Variants in ADGRL2 observed in about 807,000 individuals in gnomAD.
The protein encoded by ADGRL2 is adhesion G protein-coupled receptor L2.
A neutral mutation model predicts 157.4 loss-of-function variants in ADGRL2; 44 were observed. The observed-to-expected ratio is 0.28, with a 90% CI of 0.22 to 0.36. The LOEUF (loss-of-function observed/expected upper bound fraction) is 0.36, where lower values mean the gene tolerates loss of function less well. Among genes scored for constraint, ADGRL2 ranks in the 10% least tolerant of loss-of-function variants. The pLI is 1.00. For synonymous variants in ADGRL2, 585 were observed against 624.7 expected, an observed-to-expected ratio of 0.94 and a Z score of 0.95; for missense variants, 1,510 against 1,768.9, an observed-to-expected ratio of 0.85 and a Z score of 2.63.
At chr1:81,505,807 T>TA (rs544273636) in intron 2 of ADGRL2, among the ~76,000 whole-genome samples, 52 of 151,250 alleles carry the variant, frequency 3.4e-4, no homozygotes, top group Admixed American at 1.1e-3. Flanking sequence ...GAGTTTTTAT[T>TA]AAAAAAAAGC....
At chr1:81,924,101 G>A (rs959464756) in intron 3 of ADGRL2, among the ~76,000 whole-genome samples, 5 of 152,268 alleles carry the variant, frequency 3.3e-5, no homozygotes, top group African/African-American at 7.2e-5. Context: ...AGCATCATTT[G>A]TATTGGCTTT....
At chr1:81,544,603 C>T (rs747747606) in intron 2 of ADGRL2, among the ~76,000 whole-genome samples, 5 of 152,146 alleles carry the variant, frequency 3.3e-5, no homozygotes, top group African/African-American at 4.8e-5. Flanking sequence ...TGCCAAGTTG[C>T]CTAGTCCTGC....
At chr1:81,853,962 G>T (rs1174934692) in intron 2 of ADGRL2, among the ~76,000 whole-genome samples, 1 of 152,066 alleles carries the variant, frequency 6.6e-6, no homozygotes, top group East Asian at 1.9e-4. Context: ...TTGGATCACA[G>T]AATTATCCTT....
chr1:81,819,542 A>G (rs1387050324), intron 1 of ADGRL2, among the ~76,000 whole-genome samples: 2 of 152,084 alleles, frequency 1.3e-5, no homozygotes, highest in East Asian at 1.9e-4. Flanking sequence ...GTATACCTGC[A>G]TATGTTTTTA....
intron 3 of ADGRL2, among the ~76,000 whole-genome samples, chr1:81,653,811 G>A (rs2082473471): frequency 6.6e-6 from 1 of 152,124 alleles, no homozygotes; most frequent in Non-Finnish European, 1.5e-5. Context: ...GTAGAGCTCA[G>A]ATCCTGAAAA....
chr1:81,324,608 T>C (rs1268106072), intron 1 of ADGRL2, among the ~76,000 whole-genome samples: 1 of 151,214 alleles, frequency 6.6e-6, no homozygotes. Flanking sequence ...ACACACACAC[T>C]TTGGAAGTAG....
chr1:81,395,892 T>A (rs2076646954), intron 1 of ADGRL2, among the ~76,000 whole-genome samples: 1 of 152,242 alleles, frequency 6.6e-6, no homozygotes, highest in Non-Finnish European at 1.5e-5. Flanking sequence ...GCTTGTTCTA[T>A]TCGTCTGTGT....
intron 1 of ADGRL2, among the ~76,000 whole-genome samples, chr1:81,831,498 G>A (rs1290810592): frequency 1.3e-5 from 2 of 151,976 alleles, no homozygotes; most frequent in African/African-American, 4.8e-5. Context: ...GTAAAATAAG[G>A]TTATCTGGTC....
At chr1:81,502,771 C>T in intron 2 of ADGRL2, 2 of 1,613,304 alleles carry the variant, frequency 1.2e-6, no homozygotes, top group Non-Finnish European at 1.7e-6. Flanking sequence ...GAGCCGGCGG[C>T]CCAGCTACAG....
chr1:81,892,090 A>G (rs1468338668), intron 2 of ADGRL2, among the ~76,000 whole-genome samples: 1 of 151,898 alleles, frequency 6.6e-6, no homozygotes, highest in Non-Finnish European at 1.5e-5. Flanking sequence ...TTATCCATCA[A>G]TCTTTGTACC....
chr1:81,990,468 T>TA lies in ADGRL2; in HGVS notation c.3733_3734insA (p.Ser1245TyrfsTer6). ...AAATGGTAATTTTAACAACAGCTACTCGCTGCACAAGGGTGACTATAATGA... is the reference window on the plus strand; with the variant it reads ...AAATGGTAATTTTAACAACAGCTACTACGCTGCACAAGGGTGACTATAATGA... On this transcript the variant is annotated frameshift_variant, in exon 24 of 24. Coordinates refer to ENST00000686636, the MANE Select transcript of ADGRL2 (RefSeq NM_001366006.2). LOFTEE classifies it high-confidence loss of function. 1 of 1,614,092 alleles carries TA rather than the reference T, an allele frequency of 6.2e-7. No individual in the cohort carries two copies. Among genetic ancestry groups the TA allele is most frequent in the Non-Finnish European group, 8.5e-7 (1 of 1,179,962 alleles).
intron 3 of ADGRL2, among the ~76,000 whole-genome samples, chr1:81,616,745 C>T (rs941438219): frequency 2.4e-4 from 34 of 143,210 alleles, no homozygotes; most frequent in African/African-American, 8.4e-4. Flanking sequence ...GGCACAATCT[C>T]GGCTCACTGT....
intron 2 of ADGRL2, among the ~76,000 whole-genome samples, chr1:81,895,163 G>C (rs1286248951): frequency 6.6e-6 from 1 of 152,050 alleles, no homozygotes; most frequent in African/African-American, 2.4e-5. Context: ...ATGAGTGGGT[G>C]GTTTCAGTGC....
rs866897578 is a variant in ADGRL2 at position 81,660,817 on chromosome 1, C to T, written c.-143+79837C>T. ...TTTGATCAAAAATATGTTTTGAGTA[C>T]CTACTTTAGGTCAAACACTGTGCAA... On this transcript the variant is annotated intron_variant, in intron 3 of 24. Transcript: ENST00000370721. Among the ~76,000 whole-genome samples the T allele has an allele frequency of 4.6e-5, 7 of 152,160 alleles. No individual in the cohort carries two copies. The South Asian group carries it at 1.5e-3, about 32-fold the overall frequency.
chr1:81,510,778 A>C (rs554283711), intron 2 of ADGRL2, among the ~76,000 whole-genome samples: 2 of 152,334 alleles, frequency 1.3e-5, no homozygotes, highest in South Asian at 4.1e-4. Flanking sequence ...AGTACACATG[A>C]ACAGTTTGAA....
intron 2 of ADGRL2, among the ~76,000 whole-genome samples, chr1:81,893,319 T>TTTGTTTTTGTTTTTGTTTTTG (rs753014450): frequency 1.7e-4 from 25 of 150,250 alleles, no homozygotes; most frequent in Non-Finnish European, 3.0e-4. Context: ...CAATCCTGTC[T>TTTGTTTTTGTTTTTGTTTTTG]TGTATTTTTC....
At position 81,736,503 on chromosome 1, in the gene ADGRL2, G is replaced by A. The variant is rs150542631; in HGVS notation, c.-142-25308G>A. On this transcript the variant is annotated intron_variant, in intron 1 of 20. Coordinates refer to the ADGRL2 transcript ENST00000359929. ...GGATTATTTATTTATTGGGTTATTCGATTATTCAGCAGAGCTAAACCCAGT... is the reference window on the plus strand; with the variant it reads ...GGATTATTTATTTATTGGGTTATTCAATTATTCAGCAGAGCTAAACCCAGT... 2.6e-5 allele frequency among the ~76,000 whole-genome samples: 4 copies of A among 152,190 alleles called. No individual in the cohort carries two copies. The East Asian group carries it at 5.8e-4, about 22-fold the overall frequency.
At chr1:81,587,153 G>A (rs1198699500) in intron 3 of ADGRL2, among the ~76,000 whole-genome samples, 18 of 152,146 alleles carry the variant, frequency 1.2e-4, no homozygotes, top group Admixed American at 1.1e-3. Context: ...ACAATGCTAA[G>A]CCATATGAGA....
chr1:81,914,230 C>A (rs1185194050), intron 3 of ADGRL2, among the ~76,000 whole-genome samples: 2 of 152,164 alleles, frequency 1.3e-5, no homozygotes, highest in Non-Finnish European at 2.9e-5. Flanking sequence ...CAAGTCAGAG[C>A]TATATGAAAG....
Sources: gnomAD v4.1 joint callset for allele counts (sites outside exome capture counted in the v4.1 genomes callset) on GRCh38, gnomAD v4.1.1 for gene constraint, MANE v1.5 for transcripts, NCBI Gene and HGNC (gene_info 2026-07-23, HGNC 2026-07-21) for gene names.